The following BCOR variants were observed in gnomAD, a reference collection of about 807,000 sequenced individuals.
The protein encoded by BCOR is BCL6 corepressor, also known as BCL-6 corepressor.
A neutral mutation model predicts 86.7 loss-of-function variants in BCOR; 10 were observed. The ratio of observed to expected loss-of-function variants is 0.12; its 90% CI spans 0.07 to 0.20. BCOR has a LOEUF of 0.20. BCOR is among the 10% of genes least tolerant of loss of function. The pLI is 1.00. For synonymous variants in BCOR, 611 were observed against 609.0 expected (o/e 1.00, Z -0.05); for missense variants, 1,259 against 1,452.1 (o/e 0.87, Z 2.16).
intron 1 of BCOR, among the ~76,000 whole-genome samples, chrX:40,105,072 G>A (rs1447550667): frequency 6.3e-5 from 7 of 110,345 alleles, no homozygotes; most frequent in Non-Finnish European, 1.2e-4. Context: ...GGGGCGCCAA[G>A]CTGCGCTTCA....
Position 40,062,303 on chromosome X carries a change from A to T in BCOR, c.4264T>A (p.Leu1422Met), listed in dbSNP as rs2147011191. 1 of 1,209,755 alleles carries T rather than the reference A, an allele frequency of 8.3e-7. No homozygotes were observed. Reference protein sequence around the residue: ...AKQEPKPFDRLQQLLPASQST... With the variant: ...AKQEPKPFDRMQQLLPASQST... ...TGGGAGGCTGGTAGCAGTTGCTGCA[A>T]GCGGTCGAAGGGCTTTGGCTCCTGC... The change falls in exon 10 of 15, where the codon TTG (leucine) becomes ATG (methionine). Residue 1422 changes from leucine (L) to methionine (M), a missense_variant. This residue lies in a region of BCOR where 305 missense variants were observed against 286.1 expected (regional missense o/e 1.07). Transcript: ENST00000378444.
At chrX:40,126,502 G>GC (rs749068393) in intron 1 of BCOR, among the ~76,000 whole-genome samples, 2 of 103,124 alleles carry the variant, frequency 1.9e-5, no homozygotes, top group East Asian at 5.9e-4. Context: ...TCCAGCTCGG[G>GC]CAACAAGGCA....
At chrX:40,165,485 G>A (rs1440519569) in intron 1 of BCOR, among the ~76,000 whole-genome samples, 4 of 112,263 alleles carry the variant, frequency 3.6e-5, no homozygotes, top group Non-Finnish European at 7.5e-5. Flanking sequence ...GCCCTGTGCA[G>A]GAGAGTCCAA....
chrX:40,156,255 C>G (rs1470602582), intron 1 of BCOR, among the ~76,000 whole-genome samples: 2 of 112,987 alleles, frequency 1.8e-5, no homozygotes, highest in African/African-American at 6.4e-5. Flanking sequence ...CCTTGTCGGC[C>G]CTGGCCGCAC....
chrX:40,071,516 A>G, intron 5 of BCOR, 121 bp downstream of exon 5: 1 of 549,807 alleles, frequency 1.8e-6, no homozygotes, highest in Non-Finnish European at 3.1e-6. Context: ...CAGAAAAGAA[A>G]CAAAATACAC....
intron 1 of BCOR, among the ~76,000 whole-genome samples, chrX:40,155,683 G>C (rs1938277091): frequency 8.9e-6 from 1 of 112,781 alleles, no homozygotes; most frequent in African/African-American, 3.2e-5. Flanking sequence ...GCGAGTCCCA[G>C]CGCGGTGTCT....
intron 1 of BCOR, among the ~76,000 whole-genome samples, chrX:40,121,910 G>A (rs749674273): frequency 8.9e-6 from 1 of 112,344 alleles, no homozygotes; most frequent in East Asian, 2.8e-4. Context: ...TGCTGCACAC[G>A]ATTCCAGATC....
intron 1 of BCOR, among the ~76,000 whole-genome samples, chrX:40,148,693 C>T (rs1049220747): frequency 1.8e-5 from 2 of 111,174 alleles, no homozygotes; most frequent in Admixed American, 1.9e-4. Flanking sequence ...AAAGCCTTTT[C>T]CCCGAATATT....
At chrX:40,065,936 C>T (rs1361109711) in intron 6 of BCOR, among the ~76,000 whole-genome samples, 1 of 111,386 alleles carries the variant, frequency 9.0e-6, no homozygotes, top group Non-Finnish European at 1.9e-5. Flanking sequence ...CAGCGGTTCA[C>T]GGCAGTCAGC....
Position 40,051,750 on chromosome X carries a change from T to C in BCOR, c.*359A>G. The C allele has an allele frequency of 9.8e-6, 2 of 203,891 alleles. No individual in the cohort carries two copies. The highest frequency in any genetic ancestry group is 1.5e-4 in the East Asian group (2 of 13,651). The allele number at this position is 203,891 out of a possible 1,213,427, so 16.8% of individuals were successfully genotyped here. ...CACAGTTCTGACCACTCTACAGTCA[T>C]GGCCTGTCATCAGAGCTTTGTATGA... On this transcript the variant is annotated 3_prime_UTR_variant, in exon 15 of 15. Coordinates refer to ENST00000378444, the MANE Select transcript of BCOR (RefSeq NM_001123385.2).
Position 40,155,433 on chromosome X carries a change from C to T in BCOR, c.-41+21574G>A, listed in dbSNP as rs188440289. Among the ~76,000 whole-genome samples the T allele has an allele frequency of 1.1e-3, 124 of 110,963 alleles. 1 individual carries two copies. The highest frequency in any genetic ancestry group is 3.8e-3 in the African/African-American group (117 of 30,535). The stretch of plus-strand genomic sequence containing the variant: ...TATCACCCGCGGAGTGACCCAGGGC[C>T]TCCGGGTTTCGGTGGGGAAGCAGGA... On this transcript the variant is annotated intron_variant, in intron 1 of 14. Coordinates refer to the BCOR transcript ENST00000342274.
intron 1 of BCOR, among the ~76,000 whole-genome samples, chrX:40,095,151 C>T (rs895404436): frequency 9.0e-6 from 1 of 111,689 alleles, no homozygotes; most frequent in Non-Finnish European, 1.9e-5. Context: ...CGCCTTCCCC[C>T]CCCACTCCGC....
At chrX:40,106,131 C>T (rs1221924261) in intron 1 of BCOR, among the ~76,000 whole-genome samples, 3 of 111,911 alleles carry the variant, frequency 2.7e-5, no homozygotes, top group Non-Finnish European at 5.7e-5. Context: ...CCGTCTCCTC[C>T]GTGTCCGGAG....
chrX:40,147,436 T>C (rs1938083709), intron 1 of BCOR, among the ~76,000 whole-genome samples: 1 of 112,476 alleles, frequency 8.9e-6, no homozygotes, highest in African/African-American at 3.2e-5. Context: ...GATATTTCTG[T>C]TTGGGGGACC....
intron 14 of BCOR, 34 bp downstream of exon 14, chrX:40,053,852 A>G (rs762730130): frequency 3.3e-6 from 4 of 1,206,425 alleles, no homozygotes; most frequent in Non-Finnish European, 4.5e-6. Context: ...AGAGCAGCTC[A>G]GCTAGTTTTC....
At chrX:40,099,471 C>CCA (rs1272108955), upstream of BCOR, among the ~76,000 whole-genome samples, 1 of 111,954 alleles carries the variant, frequency 8.9e-6, no homozygotes, top group Non-Finnish European at 1.9e-5. Context: ...CTCTTTCTGC[C>CCA]TAAGGACAAG....
At chrX:40,139,490 TATATATA>T (rs1199287188) in intron 1 of BCOR, among the ~76,000 whole-genome samples, 150 of 13,661 alleles carry the variant, frequency 0.011, 12 homozygotes, top group Non-Finnish European at 0.013. Flanking sequence ...TATATATATA[TATATATA>T]TTTTTTTTTT....
intron 1 of BCOR, among the ~76,000 whole-genome samples, chrX:40,152,295 C>T (rs1177778156): frequency 1.8e-5 from 2 of 111,751 alleles, no homozygotes; most frequent in African/African-American, 3.3e-5. Flanking sequence ...CCTCCCCACC[C>T]CGTCCCTTTG....
In BCOR at chrX:40,075,211, G is replaced by C. The variant is rs751735978; in HGVS notation, c.166-31C>G. 46 of 1,159,506 alleles carry C rather than the reference G, an allele frequency of 4.0e-5. No individual in the cohort carries two copies. The Admixed American group carries it at 1.1e-3, about 27-fold the overall frequency. On this transcript the variant is annotated intron_variant, in intron 3 of 14. Transcript: ENST00000378444. Reference sequence around the variant, plus strand: ...CAGAAGAACAACATGGGTGTTACTGGGATACTCCTTCAAGGCAGCAGCACC... The same window carrying C: ...CAGAAGAACAACATGGGTGTTACTGCGATACTCCTTCAAGGCAGCAGCACC...
Sources: gnomAD v4.1 joint callset for allele counts (sites outside exome capture counted in the v4.1 genomes callset) on GRCh38, gnomAD v4.1.1 for gene constraint, gnomAD v4.1.1 regional missense constraint, MANE v1.5 for transcripts, NCBI Gene and HGNC (gene_info 2026-07-23, HGNC 2026-07-21) for gene names.